The following WDR26 variants were observed in gnomAD, a reference collection of about 807,000 sequenced individuals.
WDR26 encodes WD repeat-containing protein 26.
Under a neutral mutation model 84.1 loss-of-function variants are expected in WDR26, and 5 were observed. The ratio of observed to expected loss-of-function variants is 0.06; its 90% CI spans 0.03 to 0.13. The LOEUF is 0.13. Among genes scored for constraint, WDR26 ranks in the 10% least tolerant of loss-of-function variants. The probability of loss-of-function intolerance (pLI) is 1.00; values close to 1 mark genes in which losing one functional copy is unlikely to be tolerated. For missense variants in WDR26, 642 were observed against 974.9 expected, an observed-to-expected ratio of 0.66 and a Z score of 4.55; for synonymous variants, 415 against 389.6, an observed-to-expected ratio of 1.07 and a Z score of -0.77.
chr1:224,398,177 T>C lies in WDR26; in HGVS notation c.1994A>G (p.Gln665Arg). Residue 665 changes from glutamine (Q) to arginine (R), a missense_variant, in exon 12 of 14, where the codon CAA (glutamine) becomes CGA (arginine). Around this residue, in one of 2 missense-constraint regions of WDR26, gnomAD observed 351 missense variants for 672.8 expected, o/e 0.52. Transcript: ENST00000414423. ...TGTATAAAACCCTTGTGTAACACCT[T>C]GATACTTTCTTACTAAAACTCTGTC... 6.2e-7 allele frequency: 1 copy of C among 1,613,760 alleles called. No homozygotes were observed.
At chr1:224,400,163 A>G (rs2102893006) in intron 9 of WDR26, among the ~76,000 whole-genome samples, 1 of 152,306 alleles carries the variant, frequency 6.6e-6, no homozygotes, top group South Asian at 2.1e-4. Context: ...TTATCATTCC[A>G]ACAATTCAAA....
Position 224,433,689 on chromosome 1 carries a change from C to A in WDR26, c.717G>T (p.Gly239=). The stretch of plus-strand genomic sequence containing the variant: ...TGGCGGTAAGGGATACTTACTTGAG[C>A]CCTAAGCCATTCAAGTGCTGTCCTA... The change falls in exon 1 of 14, where the codon GGG becomes GGT. Residue 239 remains glycine, a synonymous_variant. Transcript: ENST00000414423. 6.8e-7 allele frequency: 1 copy of A among 1,462,688 alleles called. No homozygotes were observed. The highest frequency in any genetic ancestry group is 9.1e-7 in the Non-Finnish European group (1 of 1,102,652). The allele number at this position is 1,462,688 out of a possible 1,614,324, so 90.6% of individuals were successfully genotyped here.
intron 13 of WDR26, among the ~76,000 whole-genome samples, chr1:224,390,257 C>A (rs10127953): frequency 6.6e-6 from 1 of 151,968 alleles, no homozygotes; most frequent in East Asian, 1.9e-4. Context: ...GTAGCCAGGA[C>A]TACAGGCACA....
chr1:224,401,178 AAGTAG>A (rs1189033180), intron 8 of WDR26, 109 bp from the exon 9 acceptor site: 1 of 1,070,244 alleles, frequency 9.3e-7, no homozygotes, highest in Non-Finnish European at 1.3e-6. Flanking sequence ...AGTTCATTCT[AAGTAG>A]AGTAATGAAT....
At chr1:224,404,210 C>A (rs1340523581) in intron 8 of WDR26, among the ~76,000 whole-genome samples, 1 of 152,122 alleles carries the variant, frequency 6.6e-6, no homozygotes, top group Non-Finnish European at 1.5e-5. Flanking sequence ...AGCCAAACAT[C>A]CTGAAAACAC....
In WDR26 at chr1:224,418,317, G is replaced by A. The variant is rs1191437387; in HGVS notation, c.1262C>T (p.Thr421Ile). Residue 421 changes from threonine to isoleucine, a missense_variant, in exon 6 of 14, where the codon ACC (threonine) becomes ATC (isoleucine). Physicochemically the swap from Thr to Ile is moderately conservative, Grantham distance 89. Coordinates refer to ENST00000414423, the MANE Select transcript of WDR26 (RefSeq NM_001379403.1). ...AGAATCTAGATTATTATCAAGTTTG[G>A]TATTGTGATATAGGCACCGATCCCT... 6.2e-7 allele frequency: 1 copy of A among 1,613,502 alleles called. No homozygotes were observed. The highest frequency in any genetic ancestry group is 2.2e-5 in the East Asian group (1 of 44,846).
intron 3 of WDR26, among the ~76,000 whole-genome samples, chr1:224,426,544 A>C (rs1243522946): frequency 6.6e-6 from 1 of 152,114 alleles, no homozygotes; most frequent in East Asian, 1.9e-4. Context: ...TCAGAAATAC[A>C]TTAATTACCA....
intron 3 of WDR26, among the ~76,000 whole-genome samples, chr1:224,428,668 G>A (rs959890600): frequency 6.6e-6 from 1 of 151,978 alleles, no homozygotes; most frequent in East Asian, 1.9e-4. Flanking sequence ...AGGCTGAGGC[G>A]GGTGGATCAC....
chr1:224,415,289 C>T (rs1055185605), intron 6 of WDR26, among the ~76,000 whole-genome samples: 9 of 151,744 alleles, frequency 5.9e-5, no homozygotes, highest in South Asian at 2.1e-4. Flanking sequence ...AGTTCTGTTT[C>T]GGACATGCTG....
At chr1:224,409,786 C>T (rs145028855) in intron 7 of WDR26, among the ~76,000 whole-genome samples, 344 of 151,764 alleles carry the variant, frequency 2.3e-3, no homozygotes, top group African/African-American at 7.8e-3. Context: ...TCTCTTGAAC[C>T]TGGGAGGTAG....
intron 6 of WDR26, 92 bp downstream of exon 6, chr1:224,418,168 G>A: frequency 2.8e-6 from 3 of 1,085,322 alleles, no homozygotes; most frequent in South Asian, 1.9e-5. Flanking sequence ...GACATGAACT[G>A]TTATATAGCT....
At chr1:224,397,988 G>T (rs944788782) in intron 12 of WDR26, 109 bp downstream of exon 12, 5 of 1,358,208 alleles carry the variant, frequency 3.7e-6, no homozygotes, top group South Asian at 2.7e-5. Flanking sequence ...ATAAATGAAA[G>T]AATTTTAACT....
chr1:224,434,063 C>A lies in WDR26; in HGVS notation c.343G>T (p.Gly115Cys). Residue 115 changes from glycine to cysteine, a missense_variant, in exon 1 of 14, where the codon GGC (glycine) becomes TGC (cysteine). Gly to Cys is a radical substitution (Grantham distance 159, BLOSUM62 -3). Coordinates refer to ENST00000414423, the MANE Select transcript of WDR26 (RefSeq NM_001379403.1). Reference sequence around the variant, plus strand: ...CCGCCCCCTCCTCCTCCACCGCCGCCGCCGCCACCTCCTCCTCCTCCTCCT... The same window carrying A: ...CCGCCCCCTCCTCCTCCACCGCCGCAGCCGCCACCTCCTCCTCCTCCTCCT... The A allele has an allele frequency of 3.4e-6, 5 of 1,450,132 alleles. No individual in the cohort carries two copies. The highest frequency in any genetic ancestry group is 4.5e-6 in the Non-Finnish European group (5 of 1,106,938). 89.8% of individuals were successfully genotyped at this position (1,450,132 alleles called of 1,614,324 possible). A position where few individuals can be genotyped will look rare whatever the true frequency, so the allele number is the denominator to read the frequency against.
intron 1 of WDR26, among the ~76,000 whole-genome samples, chr1:224,432,641 T>C (rs1009526339): frequency 9.9e-5 from 15 of 152,208 alleles, no homozygotes; most frequent in African/African-American, 3.1e-4. Context: ...ACCGAAATAC[T>C]TGTGCCACTT....
In WDR26 at chr1:224,398,613, T is replaced by C. The variant is rs367554560; in HGVS notation, c.1866-20A>G. 1.9e-6 allele frequency: 3 copies of C among 1,573,336 alleles called. No individual in the cohort carries two copies. The African/African-American group carries it at 4.1e-5, about 22-fold the overall frequency. On this transcript the variant is annotated intron_variant, in intron 10 of 13. Coordinates refer to ENST00000414423, the MANE Select transcript of WDR26 (RefSeq NM_001379403.1). ...TGTACTCTGGAACCAGAAAATAATT[T>C]GTCAAAAACAACATATTAACAGTCA...
Position 224,387,235 on chromosome 1 carries a change from G to T in WDR26, c.*2600C>A, listed in dbSNP as rs181734061. The T allele has an allele frequency of 5.2e-5, 8 of 152,522 alleles. No homozygotes were observed. The highest frequency in any genetic ancestry group is 5.2e-4 in the Admixed American group (8 of 15,258). The allele number at this position is 152,522 out of a possible 1,614,324, so 9.4% of individuals were successfully genotyped here. On this transcript the variant is annotated 3_prime_UTR_variant, in exon 14 of 14. Transcript: ENST00000414423. ...TCTTAAGCCTACTATAGAGCCTACAGCACTATCAGAAGTTTTCAATTAATA... is the reference window on the plus strand; with the variant it reads ...TCTTAAGCCTACTATAGAGCCTACATCACTATCAGAAGTTTTCAATTAATA...
At chr1:224,405,729 A>G (rs536451821) in intron 7 of WDR26, among the ~76,000 whole-genome samples, 1 of 152,358 alleles carries the variant, frequency 6.6e-6, no homozygotes, top group East Asian at 1.9e-4. Context: ...TTAAAAGCCC[A>G]TATTGTATGC....
rs765417177 is a variant in WDR26 at position 224,433,802 on chromosome 1, A to C, written c.604T>G (p.Ser202Ala). The change falls in exon 1 of 14, where the codon TCC becomes GCC. Residue 202 changes from serine (S) to alanine (A), a missense_variant. Around this residue, in one of 2 missense-constraint regions of WDR26, gnomAD observed 291 missense variants for 302.1 expected, o/e 0.96. Transcript: ENST00000414423. ...AGTTCTGGGGTGGCCAAGGAAGAGG[A>C]GGCGGCGGTGGTGGCGGAGGCAGCT... The C allele has an allele frequency of 3.3e-5, 50 of 1,536,774 alleles. No individual in the cohort carries two copies. The highest frequency in any genetic ancestry group is 1.2e-4 in the South Asian group (10 of 84,022).
At position 224,409,933 on chromosome 1, in the gene WDR26, G is replaced by A. The variant is rs138869543; in HGVS notation, c.1458+1494C>T. Among the ~76,000 whole-genome samples the A allele has an allele frequency of 1.8e-4, 27 of 151,710 alleles. No individual in the cohort carries two copies. The East Asian group carries it at 5.0e-3, about 28-fold the overall frequency. ...TCCCTTTTTCTATTTTTCTCAACAC[G>A]GGAGCCCAAAACTTTATCCTGAGCT... On this transcript the variant is annotated intron_variant, in intron 7 of 13. Coordinates refer to ENST00000414423, the MANE Select transcript of WDR26 (RefSeq NM_001379403.1).
Sources: gnomAD v4.1 joint callset for allele counts (sites outside exome capture counted in the v4.1 genomes callset) on GRCh38, gnomAD v4.1.1 for gene constraint, gnomAD v4.1.1 regional missense constraint, MANE v1.5 for transcripts, NCBI Gene and HGNC (gene_info 2026-07-23, HGNC 2026-07-21) for gene names.